SLC9C1: variants seen among roughly 807,000 people sequenced by gnomAD.
SLC9C1 encodes the protein solute carrier family 9 member C1.
A neutral mutation model predicts 140.9 loss-of-function variants in SLC9C1; 97 were observed. The ratio of observed to expected loss-of-function variants is 0.69; its 90% CI spans 0.58 to 0.82. The LOEUF is 0.82. Ranked by LOEUF, SLC9C1 falls within the 40% of genes least tolerant of loss-of-function variation. The pLI, the probability that SLC9C1 is intolerant of heterozygous loss-of-function variation, is 0.00. For missense variants in SLC9C1, 1,340 were observed against 1,389.3 expected (o/e 0.96, Z 0.56); for synonymous variants, 440 against 442.6 (o/e 0.99, Z 0.07).
At chr3:112,221,393 G>C (rs2078538324) in intron 13 of SLC9C1, among the ~76,000 whole-genome samples, 168 bp from the exon 14 acceptor site, 1 of 152,124 alleles carries the variant, frequency 6.6e-6, no homozygotes, top group South Asian at 2.1e-4. Flanking sequence ...GGATAAGGTA[G>C]GTCTTGGCTT....
chr3:112,190,771 A>T (rs1437712845), intron 20 of SLC9C1, among the ~76,000 whole-genome samples: 1 of 151,896 alleles, frequency 6.6e-6, no homozygotes, highest in East Asian at 1.9e-4. Context: ...GCCCTTTTTA[A>T]ATTGATTTCT....
In SLC9C1 at chr3:112,204,416, A is replaced by G. The variant is rs375593756; in HGVS notation, c.1987-13T>C. 1 of 1,548,546 alleles carries G rather than the reference A, an allele frequency of 6.5e-7. No homozygotes were observed. Among genetic ancestry groups the G allele is most frequent in the East Asian group, 2.5e-5 (1 of 40,316 alleles). On this transcript the variant is annotated splice_polypyrimidine_tract_variant and intron_variant, in intron 16 of 28. Coordinates refer to ENST00000305815, the MANE Select transcript of SLC9C1 (RefSeq NM_183061.3). ...TCATTGCTGCTATCTGTTGATTTAA[A>G]AGGAAATTACATTATCATGTTTGTT...
At chr3:112,171,966 A>G (rs1235488648) in intron 23 of SLC9C1, among the ~76,000 whole-genome samples, 1 of 152,188 alleles carries the variant, frequency 6.6e-6, no homozygotes, top group Admixed American at 6.5e-5. Context: ...ATTGATCTCT[A>G]CATCTTAACC....
At chr3:112,179,134 G>A (rs933273354) in intron 23 of SLC9C1, among the ~76,000 whole-genome samples, 13 of 152,050 alleles carry the variant, frequency 8.5e-5, no homozygotes, top group African/African-American at 3.1e-4. Flanking sequence ...GGTACTGTGA[G>A]GATTTTGTTC....
Position 112,259,854 on chromosome 3 carries a change from T to C in SLC9C1, c.1197+3070A>G, listed in dbSNP as rs150987937. ...GAAAACAGTCTTTCACTATTAATTA[T>C]GTTGTTACCTACAGACTTTTTACAG... is the stretch of plus-strand genomic sequence containing the variant. On this transcript the variant is annotated intron_variant, in intron 10 of 28. Coordinates refer to ENST00000305815, the MANE Select transcript of SLC9C1 (RefSeq NM_183061.3). 1.0e-3 allele frequency among the ~76,000 whole-genome samples: 153 copies of C among 152,282 alleles called. 3 individuals carry two copies. The East Asian group carries it at 0.013, about 13-fold the overall frequency.
In SLC9C1 at chr3:112,193,321, T is replaced by A. The variant is rs537010664; in HGVS notation, c.2523+6000A>T. 3.3e-5 allele frequency among the ~76,000 whole-genome samples: 5 copies of A among 152,326 alleles called. No individual in the cohort carries two copies. The South Asian group carries it at 6.2e-4, about 19-fold the overall frequency. On this transcript the variant is annotated intron_variant, in intron 20 of 28. Coordinates refer to ENST00000305815, the MANE Select transcript of SLC9C1 (RefSeq NM_183061.3). ...ATGGGCATGCGACTATTTAGCTGGC[T>A]TGGAGGCAGGTCTGCCTAGGATTGG...
At chr3:112,155,253 A>G (rs2075097226) in intron 26 of SLC9C1, among the ~76,000 whole-genome samples, 1 of 152,202 alleles carries the variant, frequency 6.6e-6, no homozygotes, top group Admixed American at 6.5e-5. Flanking sequence ...GATATAATAA[A>G]TGTGCAAAAA....
intron 19 of SLC9C1, among the ~76,000 whole-genome samples, chr3:112,200,145 C>A (rs2077871072): frequency 6.6e-6 from 1 of 152,060 alleles, no homozygotes; most frequent in Admixed American, 6.6e-5. Flanking sequence ...TCCTCCTATA[C>A]ATGAACATTG....
At chr3:112,254,991 G>T (rs2079565273) in intron 10 of SLC9C1, among the ~76,000 whole-genome samples, 1 of 151,972 alleles carries the variant, frequency 6.6e-6, no homozygotes, top group African/African-American at 2.4e-5. Flanking sequence ...ACAAAGAAGG[G>T]CATTACACAA....
At chr3:112,278,077 C>A (rs1576510381) in intron 4 of SLC9C1, among the ~76,000 whole-genome samples, 1 of 152,188 alleles carries the variant, frequency 6.6e-6, no homozygotes, top group Non-Finnish European at 1.5e-5. Context: ...TTTATTTCAT[C>A]TTTTTGTCAT....
Position 112,208,886 on chromosome 3 carries a change from A to G in SLC9C1, c.1791-513T>C, listed in dbSNP as rs907312350. On this transcript the variant is annotated intron_variant, in intron 15 of 28. Coordinates refer to ENST00000305815, the MANE Select transcript of SLC9C1 (RefSeq NM_183061.3). ...GTATCATGAGCATCTTCTCTTGTCA[A>G]GGTATAAAATTGGGATCAAAGCCTA... Among the ~76,000 whole-genome samples, 5 of 152,302 alleles carry G rather than the reference A, an allele frequency of 3.3e-5. No individual in the cohort carries two copies. In the East Asian group the frequency reaches 9.6e-4, roughly 29 times the overall value.
chr3:112,164,328 G>C (rs185301981), intron 26 of SLC9C1, among the ~76,000 whole-genome samples: 11 of 142,934 alleles, frequency 7.7e-5, no homozygotes, highest in Non-Finnish European at 1.5e-5. Context: ...ATGTTAGCTG[G>C]TTATTTTGCT....
At position 112,263,018 on chromosome 3, in the gene SLC9C1, A is replaced by G. The variant is rs1304997408; in HGVS notation, c.1103T>C (p.Val368Ala). The G allele has an allele frequency of 3.1e-6, 5 of 1,607,906 alleles. No homozygotes were observed. Among genetic ancestry groups the G allele is most frequent in the Middle Eastern group, 1.7e-4 (1 of 6,040 alleles). Residue 368 changes from valine (V) to alanine (A), a missense_variant, in exon 10 of 29, where the codon GTC (valine) becomes GCC (alanine). Coordinates refer to ENST00000305815, the MANE Select transcript of SLC9C1 (RefSeq NM_183061.3). ...EFSWRWIFIM[V>A]CSEMKGMPNI... ...AGGCATCCCCTTCATTTCACTACAG[A>G]CCATTATGAATATCCAGCGCCAACT...
intron 10 of SLC9C1, among the ~76,000 whole-genome samples, chr3:112,260,891 T>C (rs1401573352): frequency 6.6e-6 from 1 of 152,066 alleles, no homozygotes; most frequent in African/African-American, 2.4e-5. Context: ...ATTGAAGTAA[T>C]GATCCAAGGA....
At chr3:112,254,847 C>T (rs1485984220) in intron 10 of SLC9C1, among the ~76,000 whole-genome samples, 2 of 152,030 alleles carry the variant, frequency 1.3e-5, no homozygotes, top group Non-Finnish European at 2.9e-5. Context: ...TCGAGAGACC[C>T]CTTTCATCTG....
intron 26 of SLC9C1, among the ~76,000 whole-genome samples, chr3:112,161,143 T>G (rs1297616778): frequency 2.0e-5 from 3 of 152,220 alleles, no homozygotes; most frequent in South Asian, 2.1e-4. Context: ...TAAATTTGTT[T>G]GAGTTCATTG....
At chr3:112,207,350 A>G (rs1397279802) in intron 16 of SLC9C1, among the ~76,000 whole-genome samples, 2 of 152,186 alleles carry the variant, frequency 1.3e-5, no homozygotes, top group African/African-American at 4.8e-5. Context: ...TCAGAGGGAT[A>G]TAGTCAGCAG....
At chr3:112,289,999 C>T (rs764898169) in intron 1 of SLC9C1, among the ~76,000 whole-genome samples, 2 of 152,106 alleles carry the variant, frequency 1.3e-5, no homozygotes, top group Non-Finnish European at 2.9e-5. Context: ...TAAAAGCTTT[C>T]CAGTGATTCT....
intron 6 of SLC9C1, among the ~76,000 whole-genome samples, chr3:112,271,670 G>T (rs1460944940): frequency 6.6e-6 from 1 of 151,992 alleles, no homozygotes; most frequent in Admixed American, 6.6e-5. Flanking sequence ...AGATTTTAGA[G>T]ATATATGAAG....
Sources: allele counts gnomAD v4.1 joint callset (sites outside exome capture counted in the v4.1 genomes callset), GRCh38; gene constraint gnomAD v4.1.1; transcripts MANE v1.5; gene names NCBI Gene and HGNC (gene_info 2026-07-23, HGNC 2026-07-21).